Variants in RSF1 observed in about 807,000 individuals in gnomAD.
The protein encoded by RSF1 is HBV pX-associated protein 8.
Under a neutral mutation model 145.2 loss-of-function variants are expected in RSF1, and 13 were observed. The observed-to-expected ratio is 0.09, with a 90% CI of 0.06 to 0.14. The LOEUF is 0.14. RSF1 is among the 10% of genes least tolerant of loss of function. RSF1 has a pLI of 1.00. For synonymous variants in RSF1, 577 were observed against 592.6 expected (o/e 0.97, Z 0.38); for missense variants, 1,517 against 1,718.2 (o/e 0.88, Z 2.07).
intron 2 of RSF1, among the ~76,000 whole-genome samples, chr11:77,747,500 T>C (rs1397611516): frequency 6.6e-6 from 1 of 152,220 alleles, no homozygotes; most frequent in Non-Finnish European, 1.5e-5. Flanking sequence ...AGGACAGAAT[T>C]AGTTCAAAAA....
upstream of RSF1, among the ~76,000 whole-genome samples, chr11:77,823,024 G>T (rs1948992271): frequency 6.6e-6 from 1 of 152,052 alleles, no homozygotes; most frequent in African/African-American, 2.4e-5. Flanking sequence ...GACCATCCTG[G>T]CTAACGCGGT....
chr11:77,793,286 C>A (rs1948538714), intron 1 of RSF1, among the ~76,000 whole-genome samples: 1 of 152,044 alleles, frequency 6.6e-6, no homozygotes, highest in Non-Finnish European at 1.5e-5. Context: ...TCGAAACCAG[C>A]CTTGTCTACA....
At chr11:77,816,359 CA>C (rs1948781748) in intron 1 of RSF1, among the ~76,000 whole-genome samples, 1 of 152,198 alleles carries the variant, frequency 6.6e-6, no homozygotes, top group Non-Finnish European at 1.5e-5. Context: ...TTGTTACACA[CA>C]GATCAGTTAC....
intron 1 of RSF1, among the ~76,000 whole-genome samples, chr11:77,791,265 A>C (rs924850540): frequency 6.6e-6 from 1 of 152,164 alleles, no homozygotes; most frequent in Non-Finnish European, 1.5e-5. Flanking sequence ...CACCCTCTGA[A>C]GCAACAGCCC....
At chr11:77,742,900 T>A (rs112533680) in intron 3 of RSF1, among the ~76,000 whole-genome samples, 26 of 152,206 alleles carry the variant, frequency 1.7e-4, no homozygotes, top group Non-Finnish European at 3.4e-4. Flanking sequence ...AAGTCTTTAA[T>A]CCACTAAGAT....
chr11:77,692,394 G>A (rs1457483023), intron 8 of RSF1, among the ~76,000 whole-genome samples: 5 of 121,922 alleles, frequency 4.1e-5, no homozygotes, highest in Non-Finnish European at 8.1e-5. Context: ...ACAGGCGCCC[G>A]CCACTACGCC....
intron 1 of RSF1, chr11:77,813,436 T>TG: frequency 8.3e-7 from 1 of 1,208,456 alleles, no homozygotes; most frequent in Non-Finnish European, 1.2e-6. Flanking sequence ...GATTCTCATC[T>TG]GGAAAGGATC....
Position 77,687,564 on chromosome 11 carries a change from G to A in RSF1, c.2901-2405C>T, listed in dbSNP as rs7941302. 5.5e-4 allele frequency among the ~76,000 whole-genome samples: 83 copies of A among 151,894 alleles called. 1 individual carries two copies. Among genetic ancestry groups the A allele is most frequent in the Admixed American group, 3.1e-3 (47 of 15,264 alleles). ...GTAGTAAAAAATACAAAAATTAGCC[G>A]GGTGTGGTGGCGTGTGCCTGTGGTC... On this transcript the variant is annotated intron_variant, in intron 9 of 15. Coordinates refer to ENST00000308488, the MANE Select transcript of RSF1 (RefSeq NM_016578.4).
chr11:77,784,990 T>C (rs995332037), intron 1 of RSF1, among the ~76,000 whole-genome samples: 1 of 152,250 alleles, frequency 6.6e-6, no homozygotes, highest in African/African-American at 2.4e-5. Context: ...CTGCAACTTC[T>C]AGCTGCCTAA....
At chr11:77,816,596 T>A (rs1222020254) in intron 1 of RSF1, among the ~76,000 whole-genome samples, 4 of 152,242 alleles carry the variant, frequency 2.6e-5, no homozygotes, top group African/African-American at 9.6e-5. Context: ...CTTAATAAAT[T>A]TATTAGATAT....
the RSF1 span, among the ~76,000 whole-genome samples, chr11:77,857,359 A>AT: frequency 6.6e-6 from 1 of 152,210 alleles, no homozygotes; most frequent in Non-Finnish European, 1.5e-5. Flanking sequence ...CAGGAAAAAC[A>AT]TATGTCTAGA....
intron 2 of RSF1, among the ~76,000 whole-genome samples, chr11:77,752,892 C>T (rs1031698604): frequency 1.3e-5 from 2 of 152,106 alleles, no homozygotes; most frequent in Non-Finnish European, 2.9e-5. Flanking sequence ...CACCCCAAAC[C>T]CCCCAAAACC....
chr11:77,832,993 GTGTGTA>G, the RSF1 span, among the ~76,000 whole-genome samples: 47 of 53,536 alleles, frequency 8.8e-4, 2 homozygotes, highest in Middle Eastern at 0.018. Flanking sequence ...GTGTGTGTGT[GTGTGTA>G]TATATATATA....
intron 1 of RSF1, among the ~76,000 whole-genome samples, chr11:77,779,868 ACTT>A (rs1446435384): frequency 6.6e-6 from 1 of 152,142 alleles, no homozygotes; most frequent in Non-Finnish European, 1.5e-5. Context: ...GTCATACTGA[ACTT>A]CTTGGAGTTC....
intron 11 of RSF1, among the ~76,000 whole-genome samples, chr11:77,682,487 G>A (rs1387819084): frequency 6.6e-6 from 1 of 152,164 alleles, no homozygotes; most frequent in Non-Finnish European, 1.5e-5. Context: ...ACACTAGACT[G>A]GAAGATAGGG....
chr11:77,775,837 G>C (rs1389730056), intron 1 of RSF1, among the ~76,000 whole-genome samples: 1 of 152,060 alleles, frequency 6.6e-6, no homozygotes, highest in East Asian at 1.9e-4. Context: ...GGCACGATCG[G>C]GGCTCACTGA....
At chr11:77,755,584 A>T (rs908310154) in intron 2 of RSF1, among the ~76,000 whole-genome samples, 11 of 148,198 alleles carry the variant, frequency 7.4e-5, no homozygotes, top group African/African-American at 2.5e-4. Flanking sequence ...AATCAAGAAG[A>T]TTTTTTTTTT....
At position 77,683,690 on chromosome 11, in the gene RSF1, C is replaced by G; in HGVS notation, c.3065+20G>C. 6.6e-7 allele frequency: 1 copy of G among 1,517,228 alleles called. No individual in the cohort carries two copies. The highest frequency in any genetic ancestry group is 9.1e-7 in the Non-Finnish European group (1 of 1,095,454). 94.0% of individuals were successfully genotyped at this position (1,517,228 alleles called of 1,614,324 possible). ...AAAATAAATCCTCTTTTGCTGTAGACATTTCCATACACTTCATACCTGTAG... is the reference window on the plus strand; with the variant it reads ...AAAATAAATCCTCTTTTGCTGTAGAGATTTCCATACACTTCATACCTGTAG... On this transcript the variant is annotated intron_variant, in intron 11 of 15. Transcript: ENST00000308488.
chr11:77,734,610 CAGGTA>C (rs1961293073), intron 4 of RSF1: 6 of 1,526,000 alleles, frequency 3.9e-6, no homozygotes, highest in Non-Finnish European at 4.5e-6. Context: ...CCTGCTCATT[CAGGTA>C]ATGTGTCTCA....
Sources: allele counts gnomAD v4.1 joint callset (sites outside exome capture counted in the v4.1 genomes callset), GRCh38; gene constraint gnomAD v4.1.1; transcripts MANE v1.5; gene names NCBI Gene and HGNC (gene_info 2026-07-23, HGNC 2026-07-21).